The following PREPL variants were observed in gnomAD, a reference collection of about 807,000 sequenced individuals.
PREPL encodes prolyl endopeptidase like.
PREPL carries 77 observed loss-of-function variants against 70.6 expected under a neutral mutation model. The observed-to-expected ratio is 1.09, with a 90% CI of 0.91 to 1.32. The LOEUF (loss-of-function observed/expected upper bound fraction) is 1.32. PREPL is among the 40% of genes most tolerant of loss of function. PREPL has a pLI of 0.00. For missense variants in PREPL, 1,002 were observed against 778.2 expected, an observed-to-expected ratio of 1.29 and a Z score of -3.42; for synonymous variants, 315 against 264.8, an observed-to-expected ratio of 1.19 and a Z score of -1.84.
chr2:44,346,134 G>A, intron 2 of PREPL, 134 bp downstream of exon 2: 2 of 669,532 alleles, frequency 3.0e-6, no homozygotes. Flanking sequence ...TGCTTTTTAA[G>A]TTTTTCAGCA....
At chr2:44,348,845 G>C (rs1572550147) in intron 1 of PREPL, among the ~76,000 whole-genome samples, 1 of 152,132 alleles carries the variant, frequency 6.6e-6, no homozygotes, top group African/African-American at 2.4e-5. Flanking sequence ...TTTGGTTTTT[G>C]TTGCGTCCCA....
intron 2 of PREPL, 30 bp downstream of exon 2, chr2:44,346,238 A>T (rs779841110): frequency 1.3e-5 from 20 of 1,564,370 alleles, no homozygotes; most frequent in Middle Eastern, 1.7e-4. Flanking sequence ...AATATCAAAA[A>T]TTTTTTTTTA....
At chr2:44,325,065 A>T (rs1673356261) in intron 10 of PREPL, among the ~76,000 whole-genome samples, 2 of 152,096 alleles carry the variant, frequency 1.3e-5, no homozygotes, top group Non-Finnish European at 2.9e-5. Flanking sequence ...TTGGCTGCCT[A>T]CCATATGAAC....
intron 1 of PREPL, chr2:44,359,849 G>A (rs1255834618): frequency 1.6e-6 from 1 of 623,656 alleles, no homozygotes; most frequent in Non-Finnish European, 2.8e-6. Flanking sequence ...TCAGGGCCAT[G>A]CCCCACTTAG....
Position 44,320,221 on chromosome 2 carries a change from C to G in PREPL, c.*1135G>C, listed in dbSNP as rs368796166. Reference sequence around the variant, plus strand: ...TAGGTCCAAAAGACTCAGCCCAGATCGGCTTTGAAGTTATATCAAGATTTA... The same window carrying G: ...TAGGTCCAAAAGACTCAGCCCAGATGGGCTTTGAAGTTATATCAAGATTTA... On this transcript the variant is annotated 3_prime_UTR_variant, in exon 14 of 14. Coordinates refer to ENST00000409411, the MANE Select transcript of PREPL (RefSeq NM_001171613.2). The G allele has an allele frequency of 8.1e-6, 13 of 1,613,580 alleles. No homozygotes were observed. Among genetic ancestry groups the G allele is most frequent in the Middle Eastern group, 3.3e-4 (2 of 6,076 alleles).
chr2:44,339,013 G>C (rs1221210991), intron 6 of PREPL, 134 bp downstream of exon 6: 2 of 1,396,980 alleles, frequency 1.4e-6, no homozygotes, highest in Non-Finnish European at 1.9e-6. Context: ...TAAGGGAAAA[G>C]AAATGGGATT....
At chr2:44,359,224 C>G (rs186524377) in intron 1 of PREPL, among the ~76,000 whole-genome samples, 26 of 151,852 alleles carry the variant, frequency 1.7e-4, no homozygotes. Flanking sequence ...GGTGCCATGA[C>G]GCCTAGCTAA....
At chr2:44,354,372 T>C (rs768809249) in intron 1 of PREPL, among the ~76,000 whole-genome samples, 2 of 152,170 alleles carry the variant, frequency 1.3e-5, no homozygotes, top group Non-Finnish European at 2.9e-5. Context: ...AAAATTCTTG[T>C]CTTTAAGGAC....
At chr2:44,344,800 AATAC>A (rs1675610792) in intron 2 of PREPL, among the ~76,000 whole-genome samples, 2 of 152,234 alleles carry the variant, frequency 1.3e-5, no homozygotes, top group African/African-American at 4.8e-5. Flanking sequence ...AGGGGTTTTT[AATAC>A]ATAAATACAA....
chr2:44,351,324 C>G (rs1241635676), intron 1 of PREPL, among the ~76,000 whole-genome samples: 1 of 152,106 alleles, frequency 6.6e-6, no homozygotes, highest in Non-Finnish European at 1.5e-5. Context: ...TTGGTGATCT[C>G]ATCCAGTCAT....
rs1314124556 is a variant in PREPL, at chr2:44,322,787, C to T, written c.1697G>A (p.Ser566Asn). The T allele has an allele frequency of 6.2e-7, 1 of 1,613,932 alleles. No homozygotes were observed. Among genetic ancestry groups the T allele is most frequent in the Non-Finnish European group, 8.5e-7 (1 of 1,179,852 alleles). Residue 566 changes from serine to asparagine, a missense_variant, in exon 12 of 14, where the codon AGT becomes AAT. Transcript: ENST00000409411. Reference protein sequence around the residue: ...DERVPLKGIVSYTEKLKEAIA... With the variant: ...DERVPLKGIVNYTEKLKEAIA... ...GGCTTCCTTGAGTTTCTCAGTATAA[C>T]TTACAATTCCTTTCAGAGGTACCCG...
intron 1 of PREPL, chr2:44,359,405 A>T (rs1677415083): frequency 9.9e-7 from 1 of 1,005,734 alleles, no homozygotes; most frequent in South Asian, 1.6e-5. Context: ...TTACTGAGAA[A>T]ATTAGTAGCT....
intron 7 of PREPL, among the ~76,000 whole-genome samples, chr2:44,333,640 C>A (rs1163936405): frequency 2.0e-5 from 3 of 147,022 alleles, no homozygotes; most frequent in African/African-American, 5.0e-5. Context: ...AAAAAAAAAT[C>A]TATTTTCATG....
At chr2:44,361,020 G>A in intron 1 of PREPL, among the ~76,000 whole-genome samples, 1 of 152,040 alleles carries the variant, frequency 6.6e-6, no homozygotes, top group East Asian at 1.9e-4. Flanking sequence ...TTTACTAGCC[G>A]ACACTAGTAA....
chr2:44,339,126 A>C (rs576546815), intron 6 of PREPL, 21 bp downstream of exon 6: 2 of 1,612,282 alleles, frequency 1.2e-6, no homozygotes, highest in South Asian at 2.2e-5. Context: ...CCAAATAGGA[A>C]CAACGAGCAT....
At chr2:44,324,890 AAAAAC>A (rs1009384860) in intron 10 of PREPL, among the ~76,000 whole-genome samples, 10 of 152,194 alleles carry the variant, frequency 6.6e-5, no homozygotes, top group Admixed American at 2.0e-4. Flanking sequence ...CTCTGACTCA[AAAAAC>A]AAAACAAAAC....
Position 44,320,164 on chromosome 2 carries a change from C to T in PREPL, c.*1192G>A, listed in dbSNP as rs1273360780. Reference sequence around the variant, plus strand: ...AATACTTACAAACAATTCTTAGAATCAAACACTTACGTAAATACTTTTTTA... The same window carrying T: ...AATACTTACAAACAATTCTTAGAATTAAACACTTACGTAAATACTTTTTTA... On this transcript the variant is annotated 3_prime_UTR_variant, in exon 14 of 14. Coordinates refer to ENST00000409411, the MANE Select transcript of PREPL (RefSeq NM_001171613.2). 1 of 1,519,456 alleles carries T rather than the reference C, an allele frequency of 6.6e-7. No homozygotes were observed. Among genetic ancestry groups the T allele is most frequent in the Non-Finnish European group, 9.1e-7 (1 of 1,099,400 alleles). The allele number at this position is 1,519,456 out of a possible 1,614,324, so 94.1% of individuals were successfully genotyped here.
rs777174361 is a variant in PREPL, at chr2:44,320,643, C to G, written c.*713G>C. 2 of 1,611,378 alleles carry G rather than the reference C, an allele frequency of 1.2e-6. No individual in the cohort carries two copies. The highest frequency in any genetic ancestry group is 1.7e-6 in the Non-Finnish European group (2 of 1,177,644). ...CATACTGTATACCTCGTGTTAGGCA[C>G]CTTTATGAAGAGATGAAGACACTGG... is the stretch of plus-strand genomic sequence containing the variant. On this transcript the variant is annotated 3_prime_UTR_variant, in exon 14 of 14. Coordinates refer to ENST00000409411, the MANE Select transcript of PREPL (RefSeq NM_001171613.2).
rs755920524 is a variant in PREPL at position 44,321,673 on chromosome 2, GAC to G, written c.1827+152_1827+153del. ...CAAGAGAGAGACATTTCTCTTGATT[GAC>G]ACAGTGTCCCTCCCTCCCCTCCTGG... On this transcript the variant is annotated intron_variant, in intron 13 of 13. Transcript: ENST00000409411. 30 of 1,540,306 alleles carry G rather than the reference GAC, an allele frequency of 1.9e-5. No homozygotes were observed. The Admixed American group carries it at 2.7e-4, about 14-fold the overall frequency.
Sources: gnomAD v4.1 joint callset for allele counts (sites outside exome capture counted in the v4.1 genomes callset) on GRCh38, gnomAD v4.1.1 for gene constraint, MANE v1.5 for transcripts, NCBI Gene and HGNC (gene_info 2026-07-23, HGNC 2026-07-21) for gene names.